Variants in MYO16 observed in about 807,000 individuals in gnomAD.
MYO16 encodes myosin XVI.
In MYO16, 94 loss-of-function variants were observed where a neutral mutation model predicts 205.3. That is an observed-to-expected ratio of 0.46 (90% CI 0.39 to 0.54). The LOEUF is 0.54. Among genes scored for constraint, MYO16 ranks in the 20% least tolerant of loss-of-function variants. The pLI is 0.00. For synonymous variants in MYO16, 988 were observed against 954.0 expected, an observed-to-expected ratio of 1.04 and a Z score of -0.66; for missense variants, 2,315 against 2,387.5, an observed-to-expected ratio of 0.97 and a Z score of 0.63.
upstream of MYO16, chr13:108,596,108 G>A (rs1878548572): frequency 6.6e-6 from 1 of 151,730 alleles, no homozygotes; most frequent in South Asian, 2.1e-4. Context: ...GTTGAGAGGT[G>A]GGGACGGGGG....
intron 19 of MYO16, among the ~76,000 whole-genome samples, chr13:108,964,322 A>G (rs1883706175): frequency 1.3e-5 from 2 of 152,154 alleles, no homozygotes; most frequent in Non-Finnish European, 1.5e-5. Context: ...TTCTTTCCAA[A>G]CTCCAGAACC....
At chr13:108,883,302 A>G in intron 13 of MYO16, 116 bp downstream of exon 13, 1 of 1,297,972 alleles carries the variant, frequency 7.7e-7, no homozygotes. Context: ...CTTGAGGTCC[A>G]GTATATCTTT....
At chr13:108,856,220 C>A (rs1242799345) in intron 11 of MYO16, among the ~76,000 whole-genome samples, 2 of 152,144 alleles carry the variant, frequency 1.3e-5, no homozygotes, top group Non-Finnish European at 2.9e-5. Flanking sequence ...CTTCCACTCT[C>A]TGATTTTGTT....
intron 4 of MYO16, among the ~76,000 whole-genome samples, chr13:108,745,165 A>G (rs1405143499): frequency 1.3e-5 from 2 of 152,142 alleles, no homozygotes; most frequent in Non-Finnish European, 2.9e-5. Flanking sequence ...AAGCCTATCA[A>G]CTCTAGAATC....
chr13:108,559,532 G>A, the MYO16 span, among the ~76,000 whole-genome samples: 5 of 135,832 alleles, frequency 3.7e-5, no homozygotes, highest in African/African-American at 1.4e-4. Flanking sequence ...GGAGTGCAGT[G>A]GCGTGATCTG....
intron 21 of MYO16, among the ~76,000 whole-genome samples, chr13:108,993,615 T>G (rs1884908146): frequency 1.3e-5 from 2 of 152,216 alleles, no homozygotes; most frequent in South Asian, 4.1e-4. Context: ...GAACTAGAAC[T>G]ATAGAGGCAA....
At chr13:109,021,364 C>A (rs1886016968) in intron 23 of MYO16, among the ~76,000 whole-genome samples, 1 of 152,132 alleles carries the variant, frequency 6.6e-6, no homozygotes, top group Non-Finnish European at 1.5e-5. Context: ...CCCACCTGCA[C>A]AAGTAGCGTG....
At chr13:109,103,593 A>G (rs963862827) in intron 28 of MYO16, among the ~76,000 whole-genome samples, 1 of 152,162 alleles carries the variant, frequency 6.6e-6, no homozygotes, top group Admixed American at 6.5e-5. Context: ...TGTCATTCTA[A>G]TGCGTCTTGG....
chr13:108,875,538 A>G (rs571979392), intron 12 of MYO16, among the ~76,000 whole-genome samples: 1 of 152,336 alleles, frequency 6.6e-6, no homozygotes, highest in Non-Finnish European at 1.5e-5. Context: ...ACTGCATGGG[A>G]AAGAGACTTA....
intron 32 of MYO16, among the ~76,000 whole-genome samples, chr13:109,163,297 A>G (rs892768972): frequency 6.6e-6 from 1 of 152,214 alleles, no homozygotes; most frequent in Non-Finnish European, 1.5e-5. Context: ...GCAAGAAAAC[A>G]GGAGTCAATA....
chr13:108,963,825 G>A (rs1043666299), intron 19 of MYO16, among the ~76,000 whole-genome samples: 51 of 152,124 alleles, frequency 3.4e-4, no homozygotes, highest in African/African-American at 1.2e-3. Context: ...CCACCCTGTG[G>A]GTGACCCACC....
At chr13:108,782,733 G>A (rs1353593751) in intron 4 of MYO16, among the ~76,000 whole-genome samples, 1 of 152,146 alleles carries the variant, frequency 6.6e-6, no homozygotes, top group Non-Finnish European at 1.5e-5. Context: ...TTGGTGCCAT[G>A]TGTCCCAGCT....
chr13:109,140,994 G>T lies in MYO16; in HGVS notation c.4782G>T (p.Thr1594=). The T allele has an allele frequency of 7.5e-7, 1 of 1,336,944 alleles. No individual in the cohort carries two copies. The highest frequency in any genetic ancestry group is 9.6e-7 in the Non-Finnish European group (1 of 1,042,416). 82.8% of individuals were successfully genotyped at this position (1,336,944 alleles called of 1,614,324 possible). A position where few individuals can be genotyped will look rare whatever the true frequency, so the allele number is the denominator to read the frequency against. ...CCGGCCGAGCCTCCCCGCCGTCCAC[G>T]CCGCCCCCGCCCCCGCCCCCGCCCG... ...NGSGRASPPS[T]PPPPPPPPGP... Residue 1594 remains threonine, a synonymous_variant, in exon 32 of 35, where the codon ACG becomes ACT. Coordinates refer to ENST00000457511, the MANE Select transcript of MYO16 (RefSeq NM_001198950.3). The surrounding 1 kb of genome is among the most constrained non-coding windows in gnomAD (Gnocchi z 8.0).
At chr13:108,929,064 T>C (rs539919899) in intron 16 of MYO16, among the ~76,000 whole-genome samples, 18 of 152,286 alleles carry the variant, frequency 1.2e-4, no homozygotes, top group African/African-American at 3.6e-4. Context: ...ACAGTGATAC[T>C]AAATAAATAA....
chr13:108,619,361 A>G (rs995699739), intron 1 of MYO16, among the ~76,000 whole-genome samples: 2 of 152,128 alleles, frequency 1.3e-5, no homozygotes, highest in East Asian at 3.9e-4. Flanking sequence ...GTTCCCTGCT[A>G]TACTCTTAAA....
chr13:108,783,230 A>C (rs1481926690), intron 4 of MYO16, among the ~76,000 whole-genome samples: 1 of 152,176 alleles, frequency 6.6e-6, no homozygotes, highest in African/African-American at 2.4e-5. Context: ...TTAGATCAGC[A>C]TGACCTGGAT....
the MYO16 span, among the ~76,000 whole-genome samples, chr13:108,588,635 G>T: frequency 6.6e-6 from 1 of 152,084 alleles, no homozygotes; most frequent in Admixed American, 6.5e-5. Flanking sequence ...ACTTAGGTGG[G>T]ATTGCATTTG....
chr13:108,506,663 T>C, the MYO16 span, among the ~76,000 whole-genome samples: 1 of 152,184 alleles, frequency 6.6e-6, no homozygotes, highest in South Asian at 2.1e-4. Context: ...ACAATTTGAA[T>C]GTCTTTAGTT....
intron 14 of MYO16, 142 bp from the exon 15 acceptor site, chr13:108,897,874 C>G: frequency 1.5e-6 from 1 of 682,042 alleles, no homozygotes; most frequent in Non-Finnish European, 2.5e-6. Flanking sequence ...AAAAAGGGGT[C>G]TTAAAAATTC....
Sources: allele counts gnomAD v4.1 joint callset (sites outside exome capture counted in the v4.1 genomes callset), GRCh38; gene constraint gnomAD v4.1.1; non-coding constraint Gnocchi (gnomAD v3.1); transcripts MANE v1.5; gene names NCBI Gene and HGNC (gene_info 2026-07-23, HGNC 2026-07-21).